Variants in TBC1D4 observed in about 807,000 individuals in gnomAD.
TBC1D4 encodes the protein TBC1 domain family member 4, also known as TBC (Tre-2, BUB2, CDC16) domain-containing protein.
In TBC1D4, 121 loss-of-function variants were observed where a neutral mutation model predicts 142.5. The ratio of observed to expected loss-of-function variants is 0.85; its 90% confidence interval spans 0.73 to 0.99. The LOEUF (loss-of-function observed/expected upper bound fraction) is 0.99. Ranked by LOEUF, TBC1D4 falls within the 50% of genes least tolerant of loss-of-function variation. The pLI, the probability that TBC1D4 is intolerant of heterozygous loss-of-function variation, is 0.00. For missense variants in TBC1D4, 1,475 were observed against 1,606.6 expected, an observed-to-expected ratio of 0.92 and a Z score of 1.40; for synonymous variants, 630 against 628.2, an observed-to-expected ratio of 1.00 and a Z score of -0.04.
intron 12 of TBC1D4, among the ~76,000 whole-genome samples, chr13:75,318,952 T>C (rs1878533325): frequency 6.6e-6 from 1 of 152,178 alleles, no homozygotes; most frequent in African/African-American, 2.4e-5. Context: ...TAAAACCTTT[T>C]TGGAGTTCAA....
At chr13:75,436,259 T>C (rs945528416) in intron 1 of TBC1D4, among the ~76,000 whole-genome samples, 3 of 152,208 alleles carry the variant, frequency 2.0e-5, no homozygotes, top group African/African-American at 7.2e-5. Context: ...TCAAACTTTT[T>C]TTCTTTATAA....
intron 19 of TBC1D4, among the ~76,000 whole-genome samples, chr13:75,290,937 A>G (rs1391818298): frequency 2.6e-5 from 4 of 152,184 alleles, no homozygotes; most frequent in African/African-American, 9.7e-5. Context: ...TCTTTCTGCC[A>G]TCAAAAGTGC....
At chr13:75,336,485 A>G (rs1230872373) in intron 8 of TBC1D4, among the ~76,000 whole-genome samples, 1 of 152,224 alleles carries the variant, frequency 6.6e-6, no homozygotes, top group Admixed American at 6.5e-5. Flanking sequence ...AGGCAGGTGA[A>G]TCACTTGAGG....
At chr13:75,414,715 T>G (rs1885837776) in intron 1 of TBC1D4, among the ~76,000 whole-genome samples, 1 of 152,014 alleles carries the variant, frequency 6.6e-6, no homozygotes, top group Non-Finnish European at 1.5e-5. Flanking sequence ...ATGTCAATAA[T>G]CCAGATATGA....
intron 18 of TBC1D4, among the ~76,000 whole-genome samples, chr13:75,293,979 T>C (rs1438076541): frequency 6.6e-6 from 1 of 152,228 alleles, no homozygotes; most frequent in Non-Finnish European, 1.5e-5. Flanking sequence ...GAGTGAATAC[T>C]GACTGCTTTG....
chr13:75,373,571 T>C (rs991265601), intron 1 of TBC1D4, among the ~76,000 whole-genome samples: 5 of 152,228 alleles, frequency 3.3e-5, no homozygotes, highest in African/African-American at 9.6e-5. Flanking sequence ...ACCATTCATA[T>C]TGGAGCTCTA....
intron 1 of TBC1D4, among the ~76,000 whole-genome samples, chr13:75,384,069 C>T (rs774576315): frequency 1.3e-5 from 2 of 150,360 alleles, no homozygotes; most frequent in Non-Finnish European, 3.0e-5. Context: ...ACATTGTGCA[C>T]ATGTACCCTA....
chr13:75,399,647 G>C (rs1328214623), intron 1 of TBC1D4, among the ~76,000 whole-genome samples: 1 of 152,200 alleles, frequency 6.6e-6, no homozygotes, highest in Admixed American at 6.5e-5. Context: ...ACTGTGTTTT[G>C]CCTTTGAAGA....
intron 1 of TBC1D4, among the ~76,000 whole-genome samples, chr13:75,380,422 G>A (rs775575105): frequency 2.0e-5 from 3 of 151,566 alleles, no homozygotes; most frequent in Non-Finnish European, 4.4e-5. Context: ...GCAGTGGGCC[G>A]CGATCACGCC....
At chr13:75,353,453 A>C (rs1457493001) in intron 4 of TBC1D4, among the ~76,000 whole-genome samples, 1 of 152,178 alleles carries the variant, frequency 6.6e-6, no homozygotes, top group Non-Finnish European at 1.5e-5. Context: ...AACCTCCATG[A>C]CACAACACGT....
At chr13:75,379,490 CTAACA>C (rs1477961399) in intron 1 of TBC1D4, among the ~76,000 whole-genome samples, 3 of 152,130 alleles carry the variant, frequency 2.0e-5, no homozygotes, top group Admixed American at 6.5e-5. Flanking sequence ...GTCACAATGC[CTAACA>C]TGAGTTCAAT....
At chr13:75,341,338 C>T in intron 6 of TBC1D4, 103 bp from the exon 7 acceptor site, 1 of 1,338,212 alleles carries the variant, frequency 7.5e-7, no homozygotes, top group African/African-American at 1.4e-5. Flanking sequence ...TTTAACTTCG[C>T]TCAGAAGCAA....
At chr13:75,359,658 T>C in intron 3 of TBC1D4, 111 bp downstream of exon 3, 1 of 878,184 alleles carries the variant, frequency 1.1e-6, no homozygotes, top group Non-Finnish European at 1.8e-6. Context: ...GAATAAAAAT[T>C]TAAATTTCAA....
At chr13:75,472,305 G>A (rs1888445701) in intron 1 of TBC1D4, among the ~76,000 whole-genome samples, 1 of 152,020 alleles carries the variant, frequency 6.6e-6, no homozygotes, top group South Asian at 2.1e-4. Context: ...TGTAGTCCCA[G>A]CTACTCAGGA....
chr13:75,365,707 C>T (rs1882870615), intron 1 of TBC1D4, among the ~76,000 whole-genome samples: 1 of 152,234 alleles, frequency 6.6e-6, no homozygotes, highest in African/African-American at 2.4e-5. Flanking sequence ...TTTTCAATAT[C>T]TCTTTCTCCT....
intron 7 of TBC1D4, among the ~76,000 whole-genome samples, chr13:75,338,668 T>C (rs1182311519): frequency 1.3e-5 from 2 of 152,172 alleles, no homozygotes; most frequent in African/African-American, 4.8e-5. Context: ...ATATTTATAC[T>C]CAAATTCCTC....
chr13:75,401,696 T>C (rs1268599197), intron 1 of TBC1D4, among the ~76,000 whole-genome samples: 1 of 152,220 alleles, frequency 6.6e-6, no homozygotes, highest in Non-Finnish European at 1.5e-5. Context: ...GAAGATGCTT[T>C]GGGGTTGATT....
At chr13:75,409,621 C>T (rs559774469) in intron 1 of TBC1D4, among the ~76,000 whole-genome samples, 1 of 152,230 alleles carries the variant, frequency 6.6e-6, no homozygotes, top group South Asian at 2.1e-4. Context: ...CAGATTGACC[C>T]TTGGTGAAAC....
At chr13:75,339,930 A>G (rs1880544302) in intron 7 of TBC1D4, among the ~76,000 whole-genome samples, 2 of 151,376 alleles carry the variant, frequency 1.3e-5, no homozygotes, top group South Asian at 4.2e-4. Flanking sequence ...TAAAATTCCA[A>G]CTCCCTCAAA....
Sources: allele counts gnomAD v4.1 joint callset (sites outside exome capture counted in the v4.1 genomes callset), GRCh38; gene constraint gnomAD v4.1.1; transcripts MANE v1.5; gene names NCBI Gene and HGNC (gene_info 2026-07-23, HGNC 2026-07-21).